Variants in SPIDR observed in about 807,000 individuals in gnomAD.
SPIDR encodes DNA repair-scaffolding protein.
SPIDR carries 93 observed loss-of-function variants against 104.6 expected under a neutral mutation model. That is an observed-to-expected ratio of 0.89 (90% CI 0.75 to 1.06). The LOEUF (loss-of-function observed/expected upper bound fraction) is 1.06, where lower values mean the gene tolerates loss of function less well. SPIDR is among the 50% of genes least tolerant of loss of function. SPIDR has a pLI of 0.00. For missense variants in SPIDR, 1,154 were observed against 1,111.2 expected, an observed-to-expected ratio of 1.04 and a Z score of -0.55; for synonymous variants, 431 against 416.9, an observed-to-expected ratio of 1.03 and a Z score of -0.41.
At chr8:47,510,953 G>T in intron 8 of SPIDR, 2 of 630,422 alleles carry the variant, frequency 3.2e-6, no homozygotes, top group Non-Finnish European at 5.7e-6. Context: ...GTACAAGGGG[G>T]CAGGAGGGAT....
intron 6 of SPIDR, among the ~76,000 whole-genome samples, chr8:47,398,622 A>T (rs1389254372): frequency 1.3e-5 from 2 of 152,124 alleles, no homozygotes; most frequent in African/African-American, 4.8e-5. Context: ...GGCCATTTTC[A>T]GTTAGACATT....
intron 8 of SPIDR, among the ~76,000 whole-genome samples, chr8:47,468,045 G>T (rs924874140): frequency 6.6e-6 from 1 of 152,014 alleles, no homozygotes; most frequent in Non-Finnish European, 1.5e-5. Context: ...AAATTCACTA[G>T]CATTTCTATA....
chr8:47,362,138 G>A (rs10957074), intron 5 of SPIDR, among the ~76,000 whole-genome samples: 79,694 of 152,102 alleles, frequency 0.52, 24,610 homozygotes, highest in East Asian at 0.72. Context: ...TTGCATGCAA[G>A]TGTGGTACAC....
intron 7 of SPIDR, among the ~76,000 whole-genome samples, chr8:47,439,728 A>G (rs1310139397): frequency 5.9e-5 from 9 of 152,208 alleles, no homozygotes; most frequent in African/African-American, 2.2e-4. Context: ...ACAATTTAAC[A>G]GTTGAATGCC....
intron 1 of SPIDR, among the ~76,000 whole-genome samples, chr8:47,262,818 C>T (rs1255116987): frequency 6.6e-6 from 1 of 152,118 alleles, no homozygotes; most frequent in East Asian, 1.9e-4. Context: ...TTGTTTCTGT[C>T]TCCCTCGGTC....
chr8:47,647,641 A>AGAGAGAGAGAGG (rs2070713380), intron 10 of SPIDR, among the ~76,000 whole-genome samples: 4 of 144,942 alleles, frequency 2.8e-5, no homozygotes, highest in African/African-American at 7.9e-5. Flanking sequence ...AGAGAGAGAG[A>AGAGAGAGAGAGG]GAGAGAGAGA....
intron 8 of SPIDR, among the ~76,000 whole-genome samples, chr8:47,491,842 C>G (rs1410989425): frequency 6.6e-6 from 1 of 152,058 alleles, no homozygotes; most frequent in Non-Finnish European, 1.5e-5. Flanking sequence ...TAGTGAGACC[C>G]TGTCTCTTAA....
intron 10 of SPIDR, among the ~76,000 whole-genome samples, chr8:47,669,415 T>C (rs1384892387): frequency 6.6e-6 from 1 of 152,180 alleles, no homozygotes; most frequent in African/African-American, 2.4e-5. Context: ...ACCTCGGGCC[T>C]GAGCCAGCCT....
At chr8:47,660,326 T>G (rs1186471018) in intron 10 of SPIDR, 1 of 471,478 alleles carries the variant, frequency 2.1e-6, no homozygotes, top group African/African-American at 2.1e-5. Context: ...AATGGACTTT[T>G]ATACTTCCAA....
At chr8:47,493,032 A>T (rs2078967159) in intron 8 of SPIDR, among the ~76,000 whole-genome samples, 1 of 142,060 alleles carries the variant, frequency 7.0e-6, no homozygotes, top group South Asian at 2.2e-4. Context: ...AGAGAGAGAG[A>T]GAGAGAGTGA....
chr8:47,324,108 A>C (rs2047254859), intron 5 of SPIDR, among the ~76,000 whole-genome samples: 1 of 152,118 alleles, frequency 6.6e-6, no homozygotes, highest in African/African-American at 2.4e-5. Flanking sequence ...CATAATAAAA[A>C]ATTTCTTATG....
chr8:47,407,596 A>G (rs1015563519), intron 6 of SPIDR, among the ~76,000 whole-genome samples: 3 of 152,266 alleles, frequency 2.0e-5, no homozygotes, highest in Non-Finnish European at 4.4e-5. Flanking sequence ...GCTGATATTT[A>G]GCTGTCATAT....
rs565091364 is a variant in SPIDR at position 47,628,877 on chromosome 8, T to C, written c.1544+29681T>C. On this transcript the variant is annotated intron_variant, in intron 10 of 19. Coordinates refer to ENST00000297423, the MANE Select transcript of SPIDR (RefSeq NM_001080394.4). Reference sequence around the variant, plus strand: ...AAAGTATAAACCAACTTAGCCAATATTCTCAAGTAGCTGAAAATCTGTAGG... The same window carrying C: ...AAAGTATAAACCAACTTAGCCAATACTCTCAAGTAGCTGAAAATCTGTAGG... Among the ~76,000 whole-genome samples, 31 of 152,322 alleles carry C rather than the reference T, an allele frequency of 2.0e-4. 1 individual carries two copies. In the South Asian group the frequency reaches 5.8e-3, roughly 29 times the overall value.
intron 19 of SPIDR, among the ~76,000 whole-genome samples, chr8:47,733,575 C>G (rs2085636078): frequency 6.6e-6 from 1 of 151,022 alleles, no homozygotes; most frequent in Non-Finnish European, 1.5e-5. Flanking sequence ...TCTAAGACAC[C>G]AGAAGGGTGT....
intron 6 of SPIDR, among the ~76,000 whole-genome samples, chr8:47,399,672 G>A (rs1371918334): frequency 2.0e-5 from 3 of 152,162 alleles, no homozygotes; most frequent in African/African-American, 7.2e-5. Flanking sequence ...GGCTGCCCAT[G>A]TGGGCAGAGC....
chr8:47,682,638 A>G (rs898101688), intron 11 of SPIDR, among the ~76,000 whole-genome samples: 1 of 152,244 alleles, frequency 6.6e-6, no homozygotes. Flanking sequence ...TGTTATGAAA[A>G]TAACTACAAC....
chr8:47,528,456 C>T (rs902874954), intron 8 of SPIDR, among the ~76,000 whole-genome samples: 1 of 152,106 alleles, frequency 6.6e-6, no homozygotes, highest in African/African-American at 2.4e-5. Flanking sequence ...ACAGAGCAAG[C>T]ATTAGAACCA....
intron 10 of SPIDR, among the ~76,000 whole-genome samples, chr8:47,607,216 T>G (rs1353791251): frequency 1.3e-5 from 2 of 152,230 alleles, no homozygotes; most frequent in African/African-American, 4.8e-5. Flanking sequence ...GTATCATTTT[T>G]TTTGCATGTC....
At chr8:47,482,483 T>C (rs1554727895) in intron 8 of SPIDR, among the ~76,000 whole-genome samples, 1 of 152,184 alleles carries the variant, frequency 6.6e-6, no homozygotes, top group Non-Finnish European at 1.5e-5. Context: ...CATCTCTAGC[T>C]GATGCCTTTG....
Sources: allele counts gnomAD v4.1 joint callset (sites outside exome capture counted in the v4.1 genomes callset), GRCh38; gene constraint gnomAD v4.1.1; transcripts MANE v1.5; gene names NCBI Gene and HGNC (gene_info 2026-07-23, HGNC 2026-07-21).